The following FMN1 variants were observed in gnomAD, a reference collection of about 807,000 sequenced individuals.
FMN1 encodes the protein formin-1.
FMN1 carries 110 observed loss-of-function variants against 132.4 expected under a neutral mutation model. That is an observed-to-expected ratio of 0.83 (90% confidence interval 0.71 to 0.97). The LOEUF is 0.97. Among genes scored for constraint, FMN1 ranks in the 50% least tolerant of loss-of-function variants. FMN1 has a pLI of 0.00. For synonymous variants in FMN1, 722 were observed against 651.7 expected (o/e 1.11, Z -1.64); for missense variants, 1,792 against 1,705.3 (o/e 1.05, Z -0.90).
intron 9 of FMN1, among the ~76,000 whole-genome samples, chr15:32,962,538 C>T (rs1271655558): frequency 6.6e-6 from 1 of 150,882 alleles, no homozygotes; most frequent in Non-Finnish European, 1.5e-5. Flanking sequence ...AACAAACTAC[C>T]ATTAGAGTGA....
intron 4 of FMN1, among the ~76,000 whole-genome samples, chr15:33,110,575 T>C (rs1166703243): frequency 6.6e-6 from 1 of 152,040 alleles, no homozygotes; most frequent in Non-Finnish European, 1.5e-5. Flanking sequence ...TGAGAATAGC[T>C]ATTCTGTCAT....
chr15:33,062,483 A>G (rs1399442348), intron 6 of FMN1, among the ~76,000 whole-genome samples: 2 of 152,050 alleles, frequency 1.3e-5, no homozygotes, highest in Non-Finnish European at 2.9e-5. Flanking sequence ...ATAGTCGGGC[A>G]TGGTGGCGGG....
At chr15:33,121,937 CTCAT>C (rs1281714159) in intron 4 of FMN1, among the ~76,000 whole-genome samples, 1 of 152,228 alleles carries the variant, frequency 6.6e-6, no homozygotes, top group Non-Finnish European at 1.5e-5. Flanking sequence ...TTAGGTCTCT[CTCAT>C]TGTGTTACCA....
chr15:32,947,899 C>T lies in FMN1; in HGVS notation c.3138+16208G>A, dbSNP rs530114705. Among the ~76,000 whole-genome samples, 8 of 152,118 alleles carry T rather than the reference C, an allele frequency of 5.3e-5. No individual in the cohort carries two copies. The East Asian group carries it at 5.8e-4, about 11-fold the overall frequency. On this transcript the variant is annotated intron_variant, in intron 9 of 20. Transcript: ENST00000616417. ...ACAGATTTTCTATGCTGAAAAATCA[C>T]AATTCATCGTTTCATTTCTTCCTTT...
intron 17 of FMN1, among the ~76,000 whole-genome samples, chr15:32,824,225 G>A (rs895573023): frequency 2.0e-5 from 3 of 152,118 alleles, no homozygotes; most frequent in Admixed American, 6.5e-5. Context: ...AAAGCAACAC[G>A]TCCCATTTCC....
chr15:32,853,229 C>A (rs746842881), intron 17 of FMN1, among the ~76,000 whole-genome samples: 6 of 152,154 alleles, frequency 3.9e-5, no homozygotes, highest in Non-Finnish European at 8.8e-5. Flanking sequence ...ACAAAAATAT[C>A]TTCTTTGCTG....
intron 19 of FMN1, among the ~76,000 whole-genome samples, chr15:32,778,954 T>C (rs933336554): frequency 2.6e-5 from 4 of 152,110 alleles, no homozygotes; most frequent in South Asian, 2.1e-4. Context: ...ATGTGGTATA[T>C]CCATACAATG....
intron 6 of FMN1, among the ~76,000 whole-genome samples, chr15:33,008,320 G>GA (rs954785092): frequency 2.5e-4 from 38 of 149,664 alleles, no homozygotes; most frequent in African/African-American, 7.8e-4. Flanking sequence ...AGGGTTAAAA[G>GA]AAAAAAAAAG....
At chr15:32,950,949 G>A (rs2061637764) in intron 9 of FMN1, among the ~76,000 whole-genome samples, 1 of 151,604 alleles carries the variant, frequency 6.6e-6, no homozygotes. Context: ...AAAATTCCTT[G>A]AAATTTTATT....
At chr15:33,023,551 TACTC>T (rs1433899103) in intron 6 of FMN1, among the ~76,000 whole-genome samples, 1 of 152,012 alleles carries the variant, frequency 6.6e-6, no homozygotes, top group Non-Finnish European at 1.5e-5. Flanking sequence ...AGAAACAAAA[TACTC>T]AACAGACATT....
chr15:32,823,371 A>G (rs761928258), intron 17 of FMN1, among the ~76,000 whole-genome samples: 7 of 151,864 alleles, frequency 4.6e-5, no homozygotes, highest in Non-Finnish European at 7.4e-5. Context: ...TCACGGTGTT[A>G]GCCAGGAAGG....
chr15:32,842,188 A>G (rs1425309450), intron 17 of FMN1, among the ~76,000 whole-genome samples: 1 of 152,248 alleles, frequency 6.6e-6, no homozygotes, highest in East Asian at 1.9e-4. Context: ...TTGCTCAGGA[A>G]AAAGCCAGTA....
At chr15:32,952,666 C>T (rs2061679644) in intron 9 of FMN1, among the ~76,000 whole-genome samples, 1 of 152,074 alleles carries the variant, frequency 6.6e-6, no homozygotes, top group Admixed American at 6.5e-5. Flanking sequence ...ATGAATTAAC[C>T]CCCTGGTACT....
intron 16 of FMN1, among the ~76,000 whole-genome samples, chr15:32,871,385 G>T (rs1262569711): frequency 6.6e-6 from 1 of 151,882 alleles, no homozygotes; most frequent in East Asian, 1.9e-4. Flanking sequence ...TTTGTATTTT[G>T]ATTCTTTCTA....
chr15:33,075,153 A>C (rs1317778152), intron 5 of FMN1, among the ~76,000 whole-genome samples: 3 of 151,790 alleles, frequency 2.0e-5, no homozygotes, highest in African/African-American at 7.3e-5. Flanking sequence ...CCTCACCTGG[A>C]AACTGGTAAG....
chr15:32,944,555 T>G (rs1344474496), intron 9 of FMN1, among the ~76,000 whole-genome samples: 2 of 152,206 alleles, frequency 1.3e-5, no homozygotes, highest in Non-Finnish European at 2.9e-5. Context: ...TGGGGACACA[T>G]AAAATTGCTT....
chr15:32,916,655 T>C (rs1425918064), intron 10 of FMN1, among the ~76,000 whole-genome samples: 2 of 152,094 alleles, frequency 1.3e-5, no homozygotes, highest in African/African-American at 4.8e-5. Flanking sequence ...AAGTGACTGA[T>C]GTAAGCCTCT....
intron 17 of FMN1, among the ~76,000 whole-genome samples, chr15:32,825,509 AC>A (rs1183562048): frequency 6.6e-6 from 1 of 151,534 alleles, no homozygotes; most frequent in Non-Finnish European, 1.5e-5. Flanking sequence ...TCACTGTTCT[AC>A]TCTCCCTACT....
intron 7 of FMN1, among the ~76,000 whole-genome samples, chr15:32,985,201 T>A (rs186072140): frequency 1.0e-3 from 152 of 152,224 alleles, no homozygotes; most frequent in African/African-American, 3.4e-3. Flanking sequence ...ACTAACAGCT[T>A]CCTAAACTAC....
Sources: allele counts gnomAD v4.1 joint callset (sites outside exome capture counted in the v4.1 genomes callset), GRCh38; gene constraint gnomAD v4.1.1; transcripts MANE v1.5; gene names NCBI Gene and HGNC (gene_info 2026-07-23, HGNC 2026-07-21).